Variants in CCDC171 observed in about 807,000 individuals in gnomAD.
CCDC171 encodes coiled-coil domain containing 171.
CCDC171 carries 177 observed loss-of-function variants against 168.2 expected under a neutral mutation model. The ratio of observed to expected loss-of-function variants is 1.05; its 90% CI spans 0.93 to 1.19. CCDC171 has a LOEUF of 1.19. Ranked by LOEUF, CCDC171 falls within the 50% of genes most tolerant of loss-of-function variation. The pLI, the probability that CCDC171 is intolerant of heterozygous loss-of-function variation, is 0.00. For missense variants in CCDC171, 1,991 were observed against 1,539.0 expected (o/e 1.29, Z -4.91); for synonymous variants, 687 against 540.8 (o/e 1.27, Z -3.75).
At chr9:15,996,136 T>G (rs575857098) in intron 3 of CCDC171, among the ~76,000 whole-genome samples, 10 of 152,366 alleles carry the variant, frequency 6.6e-5, no homozygotes, top group African/African-American at 2.4e-4. Flanking sequence ...CCTCTTTTTC[T>G]TATTACTTTT....
chr9:15,804,709 C>G (rs2058994285), intron 21 of CCDC171, among the ~76,000 whole-genome samples: 1 of 152,008 alleles, frequency 6.6e-6, no homozygotes, highest in Non-Finnish European at 1.5e-5. Flanking sequence ...TTTTGTTTAT[C>G]TCTGTCAGTT....
intron 25 of CCDC171, among the ~76,000 whole-genome samples, chr9:15,970,806 G>A (rs529212780): frequency 2.2e-4 from 34 of 152,054 alleles, no homozygotes; most frequent in Non-Finnish European, 3.8e-4. Context: ...ATCAAAACAG[G>A]GTGGTATCAT....
In CCDC171 at chr9:15,918,603, T is replaced by G. The variant is rs142626334; in HGVS notation, c.3601-1667T>G. ...ATATAGTTTGTATTAGTATTAGCTA[T>G]AAACTTGCCTTGAAATGATTCAAAG... On this transcript the variant is annotated intron_variant, in intron 24 of 25. Coordinates refer to ENST00000380701, the MANE Select transcript of CCDC171 (RefSeq NM_173550.4). Among the ~76,000 whole-genome samples, 1,282 of 151,800 alleles carry G rather than the reference T, an allele frequency of 8.4e-3. 21 individuals carry two copies. The highest frequency in any genetic ancestry group is 0.037 in the Admixed American group (561 of 15,210).
At chr9:15,785,980 T>C (rs966604506) in intron 21 of CCDC171, among the ~76,000 whole-genome samples, 2 of 152,062 alleles carry the variant, frequency 1.3e-5, no homozygotes, top group African/African-American at 4.8e-5. Context: ...TCAGGAAAAT[T>C]AGAAAATTTT....
intron 6 of CCDC171, among the ~76,000 whole-genome samples, chr9:16,026,017 C>T (rs752326652): frequency 1.3e-5 from 2 of 152,146 alleles, no homozygotes; most frequent in African/African-American, 4.8e-5. Flanking sequence ...GGTCACCCTA[C>T]GGCTAGCATC....
At chr9:15,623,562 A>C in intron 7 of CCDC171, 149 bp downstream of exon 7, 2 of 451,008 alleles carry the variant, frequency 4.4e-6, no homozygotes, top group East Asian at 4.0e-5. Flanking sequence ...ATAATATATA[A>C]AACTAATTTT....
At chr9:16,095,883 T>TATATATATATAC in the CCDC171 span, among the ~76,000 whole-genome samples, 1 of 146,272 alleles carries the variant, frequency 6.8e-6, no homozygotes. Flanking sequence ...TATATATATA[T>TATATATATATAC]ATATATATAT....
chr9:15,637,139 C>A (rs2046261137), intron 7 of CCDC171, among the ~76,000 whole-genome samples: 1 of 152,032 alleles, frequency 6.6e-6, no homozygotes, highest in African/African-American at 2.4e-5. Flanking sequence ...GCCTGTAATC[C>A]TAGCTGCTCT....
chr9:15,945,751 T>C (rs1222995636), intron 25 of CCDC171, among the ~76,000 whole-genome samples: 3 of 152,054 alleles, frequency 2.0e-5, no homozygotes, highest in South Asian at 2.1e-4. Flanking sequence ...TGTAAATTTG[T>C]TTGAGTTCAT....
At chr9:15,844,855 T>C (rs1408250819) in intron 21 of CCDC171, among the ~76,000 whole-genome samples, 3 of 152,084 alleles carry the variant, frequency 2.0e-5, no homozygotes, top group African/African-American at 7.2e-5. Context: ...TTCAAAGTCA[T>C]GGATTCCCTG....
At chr9:16,048,940 A>G (rs960515331) in intron 1 of CCDC171, among the ~76,000 whole-genome samples, 1 of 119,774 alleles carries the variant, frequency 8.3e-6, no homozygotes, top group Admixed American at 9.6e-5. Context: ...CAATCATAAT[A>G]TAGAAAGACA....
chr9:15,701,495 G>T (rs138829140), intron 11 of CCDC171, among the ~76,000 whole-genome samples: 1 of 151,338 alleles, frequency 6.6e-6, no homozygotes, highest in Non-Finnish European at 1.5e-5. Context: ...AGTTTGCTCC[G>T]TCAGTTGACT....
chr9:15,835,421 G>A (rs1051953710), intron 21 of CCDC171, among the ~76,000 whole-genome samples: 39 of 152,066 alleles, frequency 2.6e-4, no homozygotes, highest in African/African-American at 9.2e-4. Context: ...TATGAAGATT[G>A]TATCAATTAC....
At chr9:15,862,947 G>A (rs1365208375) in intron 23 of CCDC171, among the ~76,000 whole-genome samples, 1 of 152,016 alleles carries the variant, frequency 6.6e-6, no homozygotes, top group Non-Finnish European at 1.5e-5. Flanking sequence ...CCAAGGTAGA[G>A]GCTGAGAGCT....
chr9:15,783,879 G>C (rs778113818), intron 20 of CCDC171, among the ~76,000 whole-genome samples: 2 of 152,272 alleles, frequency 1.3e-5, no homozygotes, highest in Middle Eastern at 3.4e-3. Context: ...CTGAGTGCCA[G>C]GCACTCTTCT....
downstream of CCDC171, among the ~76,000 whole-genome samples, chr9:15,978,920 G>C (rs1831704483): frequency 6.6e-6 from 1 of 152,106 alleles, no homozygotes; most frequent in Non-Finnish European, 1.5e-5. Flanking sequence ...ATCCCCTGGT[G>C]ACCATAATCT....
chr9:15,582,113 C>T (rs549755842), intron 4 of CCDC171, among the ~76,000 whole-genome samples: 1 of 152,230 alleles, frequency 6.6e-6, no homozygotes, highest in South Asian at 2.1e-4. Context: ...AGAAAGTGGG[C>T]AAAGGATATG....
chr9:15,633,577 G>A (rs2132348104), intron 7 of CCDC171, among the ~76,000 whole-genome samples: 1 of 152,288 alleles, frequency 6.6e-6, no homozygotes, highest in South Asian at 2.1e-4. Flanking sequence ...CTGTTGGTGG[G>A]ACTGTAAACT....
intron 25 of CCDC171, among the ~76,000 whole-genome samples, chr9:15,952,976 A>G (rs555380730): frequency 3.3e-4 from 50 of 152,126 alleles, no homozygotes; most frequent in African/African-American, 1.2e-3. Flanking sequence ...TTTGCTTTTC[A>G]TATCATTTAT....
Sources: gnomAD v4.1 joint callset for allele counts (sites outside exome capture counted in the v4.1 genomes callset) on GRCh38, gnomAD v4.1.1 for gene constraint, MANE v1.5 for transcripts, NCBI Gene and HGNC (gene_info 2026-07-23, HGNC 2026-07-21) for gene names.